Variants in ZNF724 observed in about 807,000 individuals in gnomAD.
The protein encoded by ZNF724 is zinc finger protein 724 pseudogene.
Under a neutral mutation model 29.3 loss-of-function variants are expected in ZNF724, and 14 were observed. That is an observed-to-expected ratio of 0.48 (90% CI 0.32 to 0.75). The LOEUF is 0.75. Among genes scored for constraint, ZNF724 ranks in the 30% least tolerant of loss-of-function variants. ZNF724 has a pLI of 0.04. For synonymous variants in ZNF724, 180 were observed against 193.6 expected (o/e 0.93, Z 0.58); for missense variants, 557 against 571.2 (o/e 0.98, Z 0.25).
At chr19:23,235,269 T>C (rs112061629) in intron 1 of ZNF724, among the ~76,000 whole-genome samples, 2,444 of 151,864 alleles carry the variant, frequency 0.016, 58 homozygotes, top group African/African-American at 0.055. Context: ...TTTTATTTCA[T>C]CTTCTGTTTC....
chr19:23,241,555 G>A (rs978965252), intron 1 of ZNF724, among the ~76,000 whole-genome samples: 1 of 152,144 alleles, frequency 6.6e-6, no homozygotes, highest in Non-Finnish European at 1.5e-5. Context: ...CTATAACCAA[G>A]TAGGCTTTAT....
At chr19:23,249,218 T>A (rs1972303025) in intron 1 of ZNF724, among the ~76,000 whole-genome samples, 2 of 150,068 alleles carry the variant, frequency 1.3e-5, no homozygotes, top group Admixed American at 1.4e-4. Flanking sequence ...GATTAAATTA[T>A]TTAATATTTT....
chr19:23,232,841 TAAGA>T (rs1188023601), intron 1 of ZNF724, among the ~76,000 whole-genome samples: 1 of 151,806 alleles, frequency 6.6e-6, no homozygotes, highest in African/African-American at 2.4e-5. Context: ...TTATGGCCTA[TAAGA>T]GAGAGATGAC....
intron 3 of ZNF724, among the ~76,000 whole-genome samples, chr19:23,226,370 G>A (rs1307217997): frequency 6.6e-6 from 1 of 152,112 alleles, no homozygotes; most frequent in Non-Finnish European, 1.5e-5. Context: ...GTCTTTACGG[G>A]TGGGCCAGGC....
chr19:23,243,918 C>A, intron 1 of ZNF724, among the ~76,000 whole-genome samples: 3 of 131,234 alleles, frequency 2.3e-5, no homozygotes, highest in African/African-American at 2.9e-5. Flanking sequence ...AGTGAAACTC[C>A]ATCTCAAAAA....
chr19:23,233,903 C>T (rs536007786), intron 1 of ZNF724, among the ~76,000 whole-genome samples: 20 of 152,194 alleles, frequency 1.3e-4, no homozygotes, highest in African/African-American at 3.9e-4. Flanking sequence ...GAAAATGCCA[C>T]CTGTTTACAT....
At chr19:23,228,690 A>T (rs531509195) in intron 3 of ZNF724, among the ~76,000 whole-genome samples, 2 of 152,098 alleles carry the variant, frequency 1.3e-5, no homozygotes, top group Non-Finnish European at 2.9e-5. Context: ...ACCTGAGGTC[A>T]GGAGTTTGAG....
rs542543608 is a variant in ZNF724, at chr19:23,241,059, A to C, written c.4-8766T>G. 1.7e-3 allele frequency among the ~76,000 whole-genome samples: 253 copies of C among 151,122 alleles called. 2 individuals are homozygous for C. The highest frequency in any genetic ancestry group is 5.6e-3 in the African/African-American group (228 of 40,516). On this transcript the variant is annotated intron_variant, in intron 1 of 3. Coordinates refer to ENST00000418100, the MANE Select transcript of ZNF724 (RefSeq NM_001355404.2). ...ACAACAACAACAACAACAACAAAAA[A>C]AAAAGACTACAGAGACATTACCTCT...
At chr19:23,233,377 A>G (rs1409923580) in intron 1 of ZNF724, among the ~76,000 whole-genome samples, 3 of 152,166 alleles carry the variant, frequency 2.0e-5, no homozygotes, top group African/African-American at 7.2e-5. Flanking sequence ...CTGTTTAAAT[A>G]AGCATTTTCT....
intron 3 of ZNF724, among the ~76,000 whole-genome samples, chr19:23,227,714 G>A (rs538853511): frequency 3.3e-5 from 5 of 152,044 alleles, no homozygotes; most frequent in Non-Finnish European, 7.4e-5. Flanking sequence ...AAGAAAGTGG[G>A]TGCAAATCCT....
intron 1 of ZNF724, among the ~76,000 whole-genome samples, chr19:23,248,801 C>T (rs1972291269): frequency 6.6e-6 from 1 of 151,888 alleles, no homozygotes; most frequent in African/African-American, 2.4e-5. Flanking sequence ...TCGAGACCAG[C>T]CTGGCCAACA....
intron 3 of ZNF724, among the ~76,000 whole-genome samples, chr19:23,225,320 C>T (rs952082136): frequency 9.2e-5 from 14 of 152,008 alleles, no homozygotes; most frequent in African/African-American, 3.1e-4. Flanking sequence ...TTAAAAAAAT[C>T]GTGGCCGTGC....
intron 3 of ZNF724, among the ~76,000 whole-genome samples, chr19:23,225,410 G>C (rs1456656978): frequency 6.6e-6 from 1 of 152,142 alleles, no homozygotes; most frequent in African/African-American, 2.4e-5. Context: ...TTCCAGACCA[G>C]CCCGGGCAAC....
At chr19:23,227,114 G>A (rs754267937) in intron 3 of ZNF724, among the ~76,000 whole-genome samples, 27 of 151,668 alleles carry the variant, frequency 1.8e-4, no homozygotes, top group Non-Finnish European at 3.4e-4. Context: ...CTATATGGTA[G>A]TTAAAATTTC....
intron 1 of ZNF724, among the ~76,000 whole-genome samples, chr19:23,235,773 C>G (rs1486286768): frequency 2.0e-5 from 3 of 152,120 alleles, no homozygotes; most frequent in African/African-American, 7.2e-5. Flanking sequence ...CATATCACCT[C>G]TAGTAATTCT....
intron 3 of ZNF724, 65 bp from the exon 4 acceptor site, chr19:23,224,083 C>T (rs1237316916): frequency 3.4e-6 from 2 of 596,304 alleles, no homozygotes; most frequent in South Asian, 2.2e-5. Flanking sequence ...CTTTACACAT[C>T]TAACCTACAA....
intron 1 of ZNF724, among the ~76,000 whole-genome samples, chr19:23,250,008 C>G (rs1267221864): frequency 1.3e-5 from 2 of 152,138 alleles, no homozygotes; most frequent in Non-Finnish European, 2.9e-5. Context: ...AGAGAGGGCT[C>G]CAGGTCAGGG....
At chr19:23,231,582 T>C (rs577764973) in intron 2 of ZNF724, among the ~76,000 whole-genome samples, 2 of 152,290 alleles carry the variant, frequency 1.3e-5, no homozygotes, top group East Asian at 3.9e-4. Context: ...TTTTAAGGTA[T>C]AGAAAACAAT....
At chr19:23,229,075 AAAAG>A (rs534807804) in intron 3 of ZNF724, among the ~76,000 whole-genome samples, 6 of 151,928 alleles carry the variant, frequency 3.9e-5, no homozygotes, top group Non-Finnish European at 8.8e-5. Context: ...AAGAAAAAAA[AAAAG>A]AGAGATTGAG....
Sources: allele counts gnomAD v4.1 joint callset (sites outside exome capture counted in the v4.1 genomes callset), GRCh38; gene constraint gnomAD v4.1.1; transcripts MANE v1.5; gene names NCBI Gene and HGNC (gene_info 2026-07-23, HGNC 2026-07-21).